The following ZSWIM6 variants were observed in gnomAD, a reference collection of about 807,000 sequenced individuals.
The protein encoded by ZSWIM6 is zinc finger SWIM domain-containing protein 6.
A neutral mutation model predicts 113.2 loss-of-function variants in ZSWIM6; 9 were observed. The ratio of observed to expected loss-of-function variants is 0.08; its 90% CI spans 0.05 to 0.14. The LOEUF is 0.14. ZSWIM6 is among the 10% of genes least tolerant of loss of function. The pLI, the probability that ZSWIM6 is intolerant of heterozygous loss-of-function variation, is 1.00. For missense variants in ZSWIM6, 1,162 were observed against 1,552.2 expected, an observed-to-expected ratio of 0.75 and a Z score of 4.22; for synonymous variants, 611 against 606.5, an observed-to-expected ratio of 1.01 and a Z score of -0.11.
At chr5:61,371,224 C>A (rs1047066622) in intron 1 of ZSWIM6, among the ~76,000 whole-genome samples, 3 of 152,046 alleles carry the variant, frequency 2.0e-5, no homozygotes, top group African/African-American at 7.2e-5. Context: ...TTAGAAAGTT[C>A]TTTTACCTCC....
intron 2 of ZSWIM6, among the ~76,000 whole-genome samples, chr5:61,485,093 C>A (rs1747980808): frequency 6.6e-6 from 1 of 152,098 alleles, no homozygotes; most frequent in South Asian, 2.1e-4. Context: ...CCTCTTTTCC[C>A]CCTTCCTCGC....
At chr5:61,458,005 AATT>A (rs1333621948) in intron 1 of ZSWIM6, among the ~76,000 whole-genome samples, 1 of 152,112 alleles carries the variant, frequency 6.6e-6, no homozygotes, top group Non-Finnish European at 1.5e-5. Flanking sequence ...TCTCTTCTAG[AATT>A]ATTCTTGTTT....
chr5:61,404,009 AT>A (rs61133998), intron 1 of ZSWIM6, among the ~76,000 whole-genome samples: 18,494 of 143,840 alleles, frequency 0.13, 1,059 homozygotes, highest in African/African-American at 0.13. Flanking sequence ...TAAAAAAGTA[AT>A]TTTTTTTTTT....
At chr5:61,463,872 A>G (rs1263620624) in intron 1 of ZSWIM6, among the ~76,000 whole-genome samples, 1 of 152,178 alleles carries the variant, frequency 6.6e-6, no homozygotes, top group African/African-American at 2.4e-5. Flanking sequence ...GGCCTATTCT[A>G]AGAACTGTGC....
chr5:61,419,113 C>T (rs902901700), intron 1 of ZSWIM6, among the ~76,000 whole-genome samples: 1 of 152,176 alleles, frequency 6.6e-6, no homozygotes, highest in African/African-American at 2.4e-5. Flanking sequence ...TGAGCCACCA[C>T]GCCCGGCCTC....
chr5:61,515,538 A>T lies in ZSWIM6; in HGVS notation c.1334-5725A>T, dbSNP rs143655241. On this transcript the variant is annotated intron_variant, in intron 4 of 13. Transcript: ENST00000252744. ...CTTTTATCAGAAACCTACTCCTGCG[A>T]TAACTGACCCACTCCCACCATAACA... Among the ~76,000 whole-genome samples, 9 of 152,244 alleles carry T rather than the reference A, an allele frequency of 5.9e-5. No individual in the cohort carries two copies. The East Asian group carries it at 1.7e-3, about 29-fold the overall frequency.
At chr5:61,419,389 G>A (rs1313038671) in intron 1 of ZSWIM6, among the ~76,000 whole-genome samples, 1 of 152,162 alleles carries the variant, frequency 6.6e-6, no homozygotes, top group Admixed American at 6.5e-5. Context: ...GTAAATCAGT[G>A]CTGTGCTCTG....
chr5:61,360,167 A>G (rs1335310525), intron 1 of ZSWIM6, among the ~76,000 whole-genome samples: 3 of 152,194 alleles, frequency 2.0e-5, no homozygotes, highest in African/African-American at 7.2e-5. Flanking sequence ...TGGAGCCACC[A>G]CAGATGATGA....
chr5:61,391,967 C>T (rs1323872189), intron 1 of ZSWIM6: 1 of 470,766 alleles, frequency 2.1e-6, no homozygotes, highest in Non-Finnish European at 3.8e-6. Flanking sequence ...TTGTACGGGT[C>T]TACCTTCATT....
intron 2 of ZSWIM6, among the ~76,000 whole-genome samples, chr5:61,485,189 C>G (rs1225462214): frequency 1.3e-5 from 2 of 152,116 alleles, no homozygotes; most frequent in Admixed American, 1.3e-4. Context: ...GGAGCTTCAC[C>G]TCTATATACT....
chr5:61,389,187 C>T (rs1023042268), intron 1 of ZSWIM6, among the ~76,000 whole-genome samples: 7 of 152,054 alleles, frequency 4.6e-5, no homozygotes, highest in Non-Finnish European at 7.4e-5. Flanking sequence ...GCTCTCTCAC[C>T]AGAGACTTGT....
intron 1 of ZSWIM6, among the ~76,000 whole-genome samples, chr5:61,430,821 CG>C (rs1746565880): frequency 6.6e-6 from 1 of 152,036 alleles, no homozygotes; most frequent in Non-Finnish European, 1.5e-5. Flanking sequence ...CCAATGAAAC[CG>C]AAGTATTTTC....
At chr5:61,362,463 G>A (rs1361994252) in intron 1 of ZSWIM6, among the ~76,000 whole-genome samples, 1 of 152,142 alleles carries the variant, frequency 6.6e-6, no homozygotes, top group Non-Finnish European at 1.5e-5. Flanking sequence ...CTCCCAAAGT[G>A]CTGAGATTAC....
At position 61,539,851 on chromosome 5, in the gene ZSWIM6, C is replaced by A. The variant is rs116278602; in HGVS notation, c.2703+92C>A. On this transcript the variant is annotated intron_variant, in intron 12 of 13. Transcript: ENST00000252744. ...TTTTGTTTGATTGGATTTTTGAGTG[C>A]AGGTAAATGACTCTTTGGAGTACAA... is the stretch of plus-strand genomic sequence containing the variant. 405 of 1,242,098 alleles carry A rather than the reference C, an allele frequency of 3.3e-4. 1 individual carries two copies. The African/African-American group carries it at 5.7e-3, about 17-fold the overall frequency. The allele number at this position is 1,242,098 out of a possible 1,614,324, so 76.9% of individuals were successfully genotyped here.
intron 1 of ZSWIM6, among the ~76,000 whole-genome samples, chr5:61,458,493 A>G (rs1355994981): frequency 2.6e-5 from 4 of 152,188 alleles, no homozygotes; most frequent in African/African-American, 9.6e-5. Flanking sequence ...CCTTTTTCAG[A>G]TTCTCTAGTG....
intron 1 of ZSWIM6, among the ~76,000 whole-genome samples, chr5:61,360,116 C>A (rs532367850): frequency 6.6e-6 from 1 of 152,238 alleles, no homozygotes; most frequent in African/African-American, 2.4e-5. Flanking sequence ...AAAGTGCATG[C>A]CCTGCAGGTC....
chr5:61,522,423 C>T (rs1286404422), intron 5 of ZSWIM6, among the ~76,000 whole-genome samples: 1 of 152,172 alleles, frequency 6.6e-6, no homozygotes, highest in Non-Finnish European at 1.5e-5. Context: ...TCTCTATGTA[C>T]TAGCCACATG....
At chr5:61,498,878 T>C (rs947786284) in intron 4 of ZSWIM6, among the ~76,000 whole-genome samples, 7 of 152,150 alleles carry the variant, frequency 4.6e-5, no homozygotes, top group Non-Finnish European at 8.8e-5. Flanking sequence ...TTATAGGTAA[T>C]TGTGGAGAAA....
At chr5:61,494,436 C>T in intron 4 of ZSWIM6, 26 bp downstream of exon 4, 1 of 1,549,878 alleles carries the variant, frequency 6.5e-7, no homozygotes, top group Non-Finnish European at 8.7e-7. Flanking sequence ...CACAAATTAC[C>T]ATTGATTTGC....
Sources: gnomAD v4.1 joint callset for allele counts (sites outside exome capture counted in the v4.1 genomes callset) on GRCh38, gnomAD v4.1.1 for gene constraint, MANE v1.5 for transcripts, NCBI Gene and HGNC (gene_info 2026-07-23, HGNC 2026-07-21) for gene names.